Variants in AGPAT5 observed in about 807,000 individuals in gnomAD.
AGPAT5 encodes the protein 1-acyl-sn-glycerol-3-phosphate acyltransferase epsilon.
In AGPAT5, 46 loss-of-function variants were observed where a neutral mutation model predicts 45.6. That is an observed-to-expected ratio of 1.01 (90% CI 0.80 to 1.29). The LOEUF (loss-of-function observed/expected upper bound fraction) is 1.29. Among genes scored for constraint, AGPAT5 ranks in the 50% most tolerant of loss-of-function variants. The pLI is 0.00. For missense variants in AGPAT5, 673 were observed against 450.7 expected (o/e 1.49, Z -4.47); for synonymous variants, 272 against 167.0 (o/e 1.63, Z -4.85).
In AGPAT5 at chr8:6,760,686, A is replaced by G. The variant is rs1373501295; in HGVS notation, c.*3298A>G. Among the ~76,000 whole-genome samples, 2 of 152,220 alleles carry G rather than the reference A, an allele frequency of 1.3e-5. No homozygotes were observed. Among genetic ancestry groups the G allele is most frequent in the Non-Finnish European group, 2.9e-5 (2 of 68,042 alleles). Reference sequence around the variant, plus strand: ...TTTTGCATGGCTTGCTTTATAAACAAGATTTTTTCTCCCTCCTTTTGGGCC... The same window carrying G: ...TTTTGCATGGCTTGCTTTATAAACAGGATTTTTTCTCCCTCCTTTTGGGCC... On this transcript the variant is annotated 3_prime_UTR_variant, in exon 8 of 8. Transcript: ENST00000285518.
At chr8:6,739,367 A>T (rs1187807290) in intron 4 of AGPAT5, among the ~76,000 whole-genome samples, 1 of 152,256 alleles carries the variant, frequency 6.6e-6, no homozygotes, top group South Asian at 2.1e-4. Flanking sequence ...GAAGATATAG[A>T]TGAATTTGGG....
intron 1 of AGPAT5, among the ~76,000 whole-genome samples, chr8:6,709,740 G>A (rs1277890882): frequency 6.6e-6 from 1 of 151,664 alleles, no homozygotes; most frequent in Admixed American, 6.6e-5. Flanking sequence ...TCCACCTACA[G>A]CAGCTGTTTT....
chr8:6,749,000 G>A (rs906804152), intron 6 of AGPAT5, among the ~76,000 whole-genome samples: 2 of 152,176 alleles, frequency 1.3e-5, no homozygotes, highest in Non-Finnish European at 2.9e-5. Context: ...CATTATTAAA[G>A]CATTCAGAAG....
chr8:6,708,977 C>T (rs1372348993), intron 1 of AGPAT5, 90 bp downstream of exon 1: 3 of 1,263,146 alleles, frequency 2.4e-6, no homozygotes, highest in South Asian at 1.3e-5. Flanking sequence ...GCGAGGGTCA[C>T]CCGGCCGGCC....
In AGPAT5 at chr8:6,708,764, G is replaced by T. The variant is rs771123824; in HGVS notation, c.96G>T (p.Trp32Cys). Residue 32 changes from tryptophan to cysteine, a missense_variant, in exon 1 of 8, where the codon TGG (tryptophan) becomes TGT (cysteine). Transcript: ENST00000285518. ...CGGCGCCCACCTACGTGTTGGCCTG[G>T]GGGGTCTGGCGGCTGCTCTCCGCCT... ...LGTAPTYVLA[W>C]GVWRLLSAFL... 4.0e-5 allele frequency: 64 copies of T among 1,608,730 alleles called. No homozygotes were observed. Among genetic ancestry groups the T allele is most frequent in the Non-Finnish European group, 5.3e-5 (62 of 1,179,656 alleles).
chr8:6,745,639 C>CT (rs1439899296), intron 5 of AGPAT5: 11 of 151,904 alleles, frequency 7.2e-5, no homozygotes, highest in African/African-American at 2.7e-4. Flanking sequence ...CATCTCTTCC[C>CT]TTTGTTTTTG....
intron 5 of AGPAT5, chr8:6,746,080 T>C (rs1801448598): frequency 6.6e-6 from 1 of 152,086 alleles, no homozygotes; most frequent in African/African-American, 2.4e-5. Flanking sequence ...TTCTGCATTC[T>C]TCTCCCTCCC....
At chr8:6,710,567 C>G (rs967392422) in intron 1 of AGPAT5, among the ~76,000 whole-genome samples, 2 of 152,108 alleles carry the variant, frequency 1.3e-5, no homozygotes, top group Admixed American at 1.3e-4. Context: ...AATTTAAAAC[C>G]AAGAGTTTCT....
intron 2 of AGPAT5, among the ~76,000 whole-genome samples, chr8:6,728,392 C>G (rs1587019613): frequency 1.3e-5 from 2 of 152,330 alleles, no homozygotes; most frequent in East Asian, 3.9e-4. Flanking sequence ...AAAGAGAATT[C>G]AGTAGCAAAT....
intron 4 of AGPAT5, among the ~76,000 whole-genome samples, chr8:6,735,269 G>A (rs1801009337): frequency 6.6e-6 from 1 of 152,164 alleles, no homozygotes; most frequent in Non-Finnish European, 1.5e-5. Flanking sequence ...AGGAAAGGTA[G>A]AAAGAAGGAT....
In AGPAT5 at chr8:6,734,039, T is replaced by G. The variant is rs143980396; in HGVS notation, c.495+1389T>G. On this transcript the variant is annotated intron_variant, in intron 4 of 7. Transcript: ENST00000285518. ...TTCTTGTTTTTGGTTTGCAGCAGTT[T>G]AAGTATCATATATCTGAGTGTCATT... Among the ~76,000 whole-genome samples, 886 of 152,328 alleles carry G rather than the reference T, an allele frequency of 5.8e-3. 6 individuals are homozygous for G. The highest frequency in any genetic ancestry group is 0.021 in the African/African-American group (861 of 41,558).
chr8:6,709,075 A>C (rs988034654), intron 1 of AGPAT5, 188 bp downstream of exon 1: 1 of 695,988 alleles, frequency 1.4e-6, no homozygotes, highest in Middle Eastern at 2.3e-4. Flanking sequence ...GCTCTCTAGG[A>C]AGCTGTGGCT....
chr8:6,755,632 G>A (rs1464306044), intron 7 of AGPAT5, among the ~76,000 whole-genome samples: 1 of 152,160 alleles, frequency 6.6e-6, no homozygotes, highest in African/African-American at 2.4e-5. Flanking sequence ...ATAGAAGGGG[G>A]CAGTTGACAG....
chr8:6,749,023 G>C (rs919650410), intron 6 of AGPAT5, among the ~76,000 whole-genome samples: 2 of 152,184 alleles, frequency 1.3e-5, no homozygotes, highest in Non-Finnish European at 1.5e-5. Flanking sequence ...AGCAAGGATA[G>C]AAATTATTCT....
In AGPAT5 at chr8:6,708,847, G is replaced by A. The variant is rs760187760; in HGVS notation, c.179G>A (p.Ser60Asn). ...LDDRLYCVYQ[S>N]MVLFFFENYT... Reference sequence around the variant, plus strand: ...GACCGGCTCTACTGCGTCTACCAGAGCATGGTGCTCTTCTTCTTCGAGAAT... The same window carrying A: ...GACCGGCTCTACTGCGTCTACCAGAACATGGTGCTCTTCTTCTTCGAGAAT... Residue 60 changes from serine to asparagine, a missense_variant, in exon 1 of 8, where the codon AGC (serine) becomes AAC (asparagine). Ser to Asn is a conservative substitution (Grantham distance 46). Transcript: ENST00000285518. 2 of 1,611,148 alleles carry A rather than the reference G, an allele frequency of 1.2e-6. No individual in the cohort carries two copies. Among genetic ancestry groups the A allele is most frequent in the African/African-American group, 1.3e-5 (1 of 74,938 alleles).
At chr8:6,745,757 TG>T (rs1469123661) in intron 5 of AGPAT5, 1 of 152,048 alleles carries the variant, frequency 6.6e-6, no homozygotes, top group Non-Finnish European at 1.5e-5. Flanking sequence ...CTGTATTTCT[TG>T]CCTTTTCATC....
chr8:6,725,983 A>C (rs553534231), intron 2 of AGPAT5, among the ~76,000 whole-genome samples: 1 of 152,362 alleles, frequency 6.6e-6, no homozygotes, highest in African/African-American at 2.4e-5. Flanking sequence ...TTCTCAATTT[A>C]GTGAATTAAT....
At chr8:6,720,433 C>G (rs1449180333) in intron 1 of AGPAT5, among the ~76,000 whole-genome samples, 1 of 152,174 alleles carries the variant, frequency 6.6e-6, no homozygotes, top group Non-Finnish European at 1.5e-5. Context: ...AGGGGCGTTA[C>G]CACACACTTG....
chr8:6,723,883 A>T (rs1185636872), intron 1 of AGPAT5, among the ~76,000 whole-genome samples: 1 of 152,208 alleles, frequency 6.6e-6, no homozygotes, highest in East Asian at 1.9e-4. Flanking sequence ...GTCATGACCA[A>T]AAGATAATCC....
Sources: allele counts gnomAD v4.1 joint callset (sites outside exome capture counted in the v4.1 genomes callset), GRCh38; gene constraint gnomAD v4.1.1; transcripts MANE v1.5; gene names NCBI Gene and HGNC (gene_info 2026-07-23, HGNC 2026-07-21).